The following CDH13 variants were observed in gnomAD, a reference collection of about 807,000 sequenced individuals.
The protein encoded by CDH13 is cadherin-13.
Under a neutral mutation model 63.8 loss-of-function variants are expected in CDH13, and 24 were observed. That is an observed-to-expected ratio of 0.38 (90% CI 0.27 to 0.53). The LOEUF is 0.53. Among genes scored for constraint, CDH13 ranks in the 20% least tolerant of loss-of-function variants. The probability of loss-of-function intolerance (pLI) is 0.85; values close to 1 mark genes in which losing one functional copy is unlikely to be tolerated. For synonymous variants in CDH13, 503 were observed against 355.3 expected (o/e 1.42, Z -4.67); for missense variants, 1,049 against 903.1 (o/e 1.16, Z -2.07).
At chr16:82,806,164 A>G (rs978648483) in intron 1 of CDH13, among the ~76,000 whole-genome samples, 2 of 152,010 alleles carry the variant, frequency 1.3e-5, no homozygotes, top group African/African-American at 4.8e-5. Context: ...GCATATAAGG[A>G]CTCTTCTCTT....
chr16:83,109,890 A>T (rs2034975091), intron 3 of CDH13, among the ~76,000 whole-genome samples: 1 of 152,228 alleles, frequency 6.6e-6, no homozygotes, highest in African/African-American at 2.4e-5. Context: ...TTTCACCTCC[A>T]GTAAAACTAG....
chr16:83,321,553 GA>G (rs1402498773), intron 5 of CDH13, among the ~76,000 whole-genome samples: 74 of 117,696 alleles, frequency 6.3e-4, no homozygotes, highest in Non-Finnish European at 1.0e-3. Flanking sequence ...TTTTGAGACG[GA>G]GTCTCACTCT....
At chr16:82,784,440 G>GGACAGC (rs1225602871) in intron 1 of CDH13, among the ~76,000 whole-genome samples, 2 of 152,034 alleles carry the variant, frequency 1.3e-5, no homozygotes, top group African/African-American at 4.8e-5. Flanking sequence ...CAGGAAGAAG[G>GGACAGC]GACAGCGAAT....
intron 5 of CDH13, among the ~76,000 whole-genome samples, chr16:83,248,659 A>G (rs1158029837): frequency 6.6e-6 from 1 of 151,940 alleles, no homozygotes; most frequent in Non-Finnish European, 1.5e-5. Flanking sequence ...TCTCTCCTTC[A>G]TGTACTTCTC....
intron 1 of CDH13, among the ~76,000 whole-genome samples, chr16:82,679,640 G>T (rs555894363): frequency 1.3e-5 from 2 of 152,178 alleles, no homozygotes; most frequent in African/African-American, 2.4e-5. Flanking sequence ...TTGCTTCCCA[G>T]TGGAACCTGA....
chr16:83,521,069 C>T (rs933011758), intron 7 of CDH13, among the ~76,000 whole-genome samples: 2 of 152,176 alleles, frequency 1.3e-5, no homozygotes, highest in Admixed American at 6.5e-5. Context: ...TTTAAAGCAA[C>T]ATGCTCTCTT....
rs373576502 is a variant in CDH13 at position 83,505,242 on chromosome 16, C to G, written c.960+18587C>G. ...CCCAGAAGAAACAAGAATTGTTTCT[C>G]AGTTCTAACTGTCATAATGCCTAGC... On this transcript the variant is annotated intron_variant, in intron 7 of 13. Transcript: ENST00000567109. 2.0e-5 allele frequency among the ~76,000 whole-genome samples: 3 copies of G among 152,356 alleles called. No individual in the cohort carries two copies. The South Asian group carries it at 6.2e-4, about 32-fold the overall frequency.
At chr16:83,107,522 T>C (rs1329598417) in intron 3 of CDH13, among the ~76,000 whole-genome samples, 1 of 152,186 alleles carries the variant, frequency 6.6e-6, no homozygotes, top group Admixed American at 6.5e-5. Context: ...GTTTCTCCAC[T>C]GGACACCAGA....
intron 4 of CDH13, among the ~76,000 whole-genome samples, chr16:83,186,240 G>C (rs561175126): frequency 6.6e-6 from 1 of 151,904 alleles, no homozygotes; most frequent in Non-Finnish European, 1.5e-5. Context: ...CTGGGTTCAA[G>C]CAATTCTCCC....
intron 4 of CDH13, among the ~76,000 whole-genome samples, chr16:83,200,210 G>A (rs150424496): frequency 5.9e-5 from 9 of 152,282 alleles, no homozygotes; most frequent in Non-Finnish European, 1.2e-4. Context: ...GAGCCTGGGC[G>A]CTGGGTGGCA....
At chr16:83,107,888 C>T (rs758194303) in intron 3 of CDH13, among the ~76,000 whole-genome samples, 10 of 151,392 alleles carry the variant, frequency 6.6e-5, no homozygotes, top group South Asian at 2.1e-4. Flanking sequence ...GGTGTGATCT[C>T]GGCTCACTGC....
intron 1 of CDH13, among the ~76,000 whole-genome samples, chr16:82,790,875 G>T (rs1474622938): frequency 6.6e-6 from 1 of 152,144 alleles, no homozygotes; most frequent in African/African-American, 2.4e-5. Flanking sequence ...ACTCCACCTG[G>T]TCTCTCCCTT....
intron 7 of CDH13, among the ~76,000 whole-genome samples, chr16:83,550,879 T>C (rs1269953221): frequency 6.6e-6 from 1 of 152,126 alleles, no homozygotes; most frequent in Non-Finnish European, 1.5e-5. Flanking sequence ...GAAATCTAAG[T>C]TGCCTTGCAT....
intron 1 of CDH13, among the ~76,000 whole-genome samples, chr16:82,713,286 T>C (rs976854290): frequency 6.6e-5 from 10 of 152,068 alleles, no homozygotes; most frequent in Admixed American, 3.3e-4. Flanking sequence ...TGGAACATGC[T>C]CTCCAGGCAA....
intron 2 of CDH13, among the ~76,000 whole-genome samples, chr16:82,866,936 C>T (rs914320698): frequency 3.3e-5 from 5 of 152,180 alleles, no homozygotes; most frequent in Admixed American, 2.0e-4. Context: ...ATGGGTATGA[C>T]AGTTCAAGAT....
chr16:83,296,350 A>G (rs138644044), intron 5 of CDH13, among the ~76,000 whole-genome samples: 8 of 152,286 alleles, frequency 5.3e-5, no homozygotes, highest in South Asian at 2.1e-4. Flanking sequence ...GAGTCGGATG[A>G]TGCATTCTGT....
chr16:82,655,060 G>C (rs142854062), intron 1 of CDH13, among the ~76,000 whole-genome samples: 273 of 152,330 alleles, frequency 1.8e-3, no homozygotes, highest in African/African-American at 6.2e-3. Context: ...GAGTCCAAAA[G>C]AAACTCAAGA....
intron 11 of CDH13, among the ~76,000 whole-genome samples, chr16:83,769,045 A>T (rs1464763475): frequency 6.6e-6 from 1 of 152,112 alleles, no homozygotes; most frequent in Admixed American, 6.6e-5. Context: ...AGAAGATGGG[A>T]GGGAACCTCA....
At chr16:83,793,503 T>C (rs1401979101) in intron 13 of CDH13, among the ~76,000 whole-genome samples, 1 of 152,190 alleles carries the variant, frequency 6.6e-6, no homozygotes, top group Non-Finnish European at 1.5e-5. Context: ...TGAAGTTTTC[T>C]ACATGAGTGA....
Sources: gnomAD v4.1 joint callset for allele counts (sites outside exome capture counted in the v4.1 genomes callset) on GRCh38, gnomAD v4.1.1 for gene constraint, MANE v1.5 for transcripts, NCBI Gene and HGNC (gene_info 2026-07-23, HGNC 2026-07-21) for gene names.